Variants in DACH1 observed in about 807,000 individuals in gnomAD.
DACH1 encodes the protein dachshund homolog 1.
In DACH1, 12 loss-of-function variants were observed where a neutral mutation model predicts 54.2. The observed-to-expected ratio is 0.22, with a 90% CI of 0.14 to 0.36. The LOEUF (loss-of-function observed/expected upper bound fraction) is 0.36. Ranked by LOEUF, DACH1 falls within the 10% of genes least tolerant of loss-of-function variation. The pLI is 1.00. For missense variants in DACH1, 805 were observed against 929.8 expected, an observed-to-expected ratio of 0.87 and a Z score of 1.75; for synonymous variants, 386 against 366.2, an observed-to-expected ratio of 1.05 and a Z score of -0.62.
At chr13:71,780,457 A>G (rs1566496036) in intron 1 of DACH1, among the ~76,000 whole-genome samples, 2 of 152,182 alleles carry the variant, frequency 1.3e-5, no homozygotes, top group Non-Finnish European at 2.9e-5. Flanking sequence ...CATATCAAAT[A>G]AAATATGCAG....
intron 1 of DACH1, among the ~76,000 whole-genome samples, chr13:71,703,785 G>A (rs1426593271): frequency 6.6e-6 from 1 of 152,158 alleles, no homozygotes; most frequent in Non-Finnish European, 1.5e-5. Context: ...CCTTAGGGGA[G>A]GAAAAGAGGA....
intron 1 of DACH1, among the ~76,000 whole-genome samples, chr13:71,772,517 CTCACTTATCATTAGCA>C (rs1885899852): frequency 6.6e-6 from 1 of 151,736 alleles, no homozygotes; most frequent in African/African-American, 2.4e-5. Context: ...CTTTTCTTCT[CTCACTTATCATTAGCA>C]TCACTTTAAT....
intron 2 of DACH1, among the ~76,000 whole-genome samples, chr13:71,650,310 AT>A (rs1210442573): frequency 1.3e-5 from 2 of 152,192 alleles, no homozygotes; most frequent in African/African-American, 4.8e-5. Context: ...ACAATTTCTA[AT>A]AGTCAAGTAA....
At chr13:71,563,019 G>T (rs1170828793) in intron 4 of DACH1, among the ~76,000 whole-genome samples, 2 of 152,012 alleles carry the variant, frequency 1.3e-5, no homozygotes, top group Non-Finnish European at 2.9e-5. Context: ...TACATGTCCA[G>T]AGATATACTC....
At chr13:71,600,010 G>A (rs2138487679) in intron 3 of DACH1, among the ~76,000 whole-genome samples, 1 of 151,982 alleles carries the variant, frequency 6.6e-6, no homozygotes, top group East Asian at 1.9e-4. Context: ...TTAAGGAATA[G>A]GGCCAAAAAA....
At chr13:71,836,428 G>A (rs192815858) in intron 1 of DACH1, among the ~76,000 whole-genome samples, 41 of 151,922 alleles carry the variant, frequency 2.7e-4, no homozygotes, top group African/African-American at 9.4e-4. Context: ...TTTAAAAAAC[G>A]TGCCTACAAT....
chr13:71,737,514 G>A (rs1320168270), intron 1 of DACH1, among the ~76,000 whole-genome samples: 1 of 152,188 alleles, frequency 6.6e-6, no homozygotes, highest in Non-Finnish European at 1.5e-5. Flanking sequence ...TTAAAATGGA[G>A]AAGAATGCAA....
At chr13:71,609,810 A>G (rs964517246) in intron 3 of DACH1, among the ~76,000 whole-genome samples, 2 of 152,208 alleles carry the variant, frequency 1.3e-5, no homozygotes, top group Admixed American at 1.3e-4. Context: ...TACAGGCGTG[A>G]GCCACTGCGC....
intron 3 of DACH1, among the ~76,000 whole-genome samples, chr13:71,605,887 A>G (rs1874846075): frequency 6.6e-6 from 1 of 151,994 alleles, no homozygotes; most frequent in Non-Finnish European, 1.5e-5. Flanking sequence ...AACGCTATGT[A>G]ATAAACTGAA....
chr13:71,616,571 T>C (rs1029867239), intron 3 of DACH1, among the ~76,000 whole-genome samples: 1 of 151,878 alleles, frequency 6.6e-6, no homozygotes, highest in Non-Finnish European at 1.5e-5. Flanking sequence ...ACAATGTCTC[T>C]ACAAGAAAAA....
At chr13:71,735,689 C>T (rs541031647) in intron 1 of DACH1, among the ~76,000 whole-genome samples, 16 of 149,144 alleles carry the variant, frequency 1.1e-4, no homozygotes, top group African/African-American at 3.2e-4. Flanking sequence ...ACTTGACAAA[C>T]GCATTGCTTA....
chr13:71,748,896 T>TCTCTCTCTCTCTCTCTCTC (rs1566476848), intron 1 of DACH1, among the ~76,000 whole-genome samples: 1 of 64,946 alleles, frequency 1.5e-5, no homozygotes, highest in Non-Finnish European at 2.9e-5. Context: ...CTTTCTTTCT[T>TCTCTCTCTCTCTCTCTCTC]TCTCTTTCTT....
At chr13:71,737,545 A>G (rs1884193510) in intron 1 of DACH1, among the ~76,000 whole-genome samples, 1 of 152,256 alleles carries the variant, frequency 6.6e-6, no homozygotes, top group Non-Finnish European at 1.5e-5. Flanking sequence ...AATAGTTTGG[A>G]AACCATACTA....
chr13:71,709,260 T>C (rs1882599048), intron 1 of DACH1, among the ~76,000 whole-genome samples: 1 of 152,142 alleles, frequency 6.6e-6, no homozygotes. Flanking sequence ...CCTTGATTAA[T>C]AAAATGCGTT....
intron 1 of DACH1, among the ~76,000 whole-genome samples, chr13:71,735,600 A>G (rs534711232): frequency 5.5e-5 from 8 of 144,902 alleles, no homozygotes; most frequent in South Asian, 2.2e-4. Flanking sequence ...GGATATACGT[A>G]TATGGGATAT....
At chr13:71,757,003 G>C (rs904498750) in intron 1 of DACH1, among the ~76,000 whole-genome samples, 1 of 152,046 alleles carries the variant, frequency 6.6e-6, no homozygotes, top group Non-Finnish European at 1.5e-5. Flanking sequence ...GTGACTGTTT[G>C]ATTTTTGTTA....
Position 71,740,496 on chromosome 13 carries a change from C to T in DACH1, c.849-58586G>A, listed in dbSNP as rs73523499. Among the ~76,000 whole-genome samples the T allele has an allele frequency of 5.9e-3, 899 of 152,096 alleles. 14 individuals carry two copies. Among genetic ancestry groups the T allele is most frequent in the African/African-American group, 0.02 (848 of 41,512 alleles). On this transcript the variant is annotated intron_variant, in intron 1 of 10. Coordinates refer to ENST00000613252, the MANE Select transcript of DACH1 (RefSeq NM_080759.6). ...TTTAAAGATCACATAGAAATCAAAC[C>T]TTGGCCTATGTTCTTTAAAACTCCT...
chr13:71,709,492 TACCC>T (rs1286544657), intron 1 of DACH1, among the ~76,000 whole-genome samples: 1 of 152,006 alleles, frequency 6.6e-6, no homozygotes, highest in African/African-American at 2.4e-5. Flanking sequence ...AGGCCATGTA[TACCC>T]ACTCTTTAGT....
chr13:71,770,851 T>C (rs1454665915), intron 1 of DACH1, among the ~76,000 whole-genome samples: 1 of 151,568 alleles, frequency 6.6e-6, no homozygotes, highest in East Asian at 1.9e-4. Context: ...TTCCCTCCAG[T>C]GCAATACTGA....
Sources: gnomAD v4.1 joint callset for allele counts (sites outside exome capture counted in the v4.1 genomes callset) on GRCh38, gnomAD v4.1.1 for gene constraint, MANE v1.5 for transcripts, NCBI Gene and HGNC (gene_info 2026-07-23, HGNC 2026-07-21) for gene names.